Variants in ZNF558 observed in about 807,000 individuals in gnomAD.
ZNF558 encodes zinc finger protein 558.
ZNF558 carries 23 observed loss-of-function variants against 37.6 expected under a neutral mutation model. The ratio of observed to expected loss-of-function variants is 0.61; its 90% confidence interval spans 0.44 to 0.87. The LOEUF (loss-of-function observed/expected upper bound fraction) is 0.87. ZNF558 is among the 40% of genes least tolerant of loss of function. The probability of loss-of-function intolerance (pLI) is 0.00; values close to 1 mark genes in which losing one functional copy is unlikely to be tolerated. For missense variants in ZNF558, 429 were observed against 483.7 expected (o/e 0.89, Z 1.06); for synonymous variants, 189 against 174.4 (o/e 1.08, Z -0.66).
chr19:8,818,893 T>G (rs951770877), intron 7 of ZNF558, among the ~76,000 whole-genome samples: 1 of 152,194 alleles, frequency 6.6e-6, no homozygotes, highest in Non-Finnish European at 1.5e-5. Context: ...TATGGCCACA[T>G]AATTTTCAAT....
At chr19:8,827,402 C>T (rs1246257884) in intron 2 of ZNF558, among the ~76,000 whole-genome samples, 1 of 151,964 alleles carries the variant, frequency 6.6e-6, no homozygotes, top group Non-Finnish European at 1.5e-5. Flanking sequence ...CCTTCTGAAT[C>T]CTGAAGTCCT....
At chr19:8,834,799 T>A (rs1381944996), upstream of ZNF558, among the ~76,000 whole-genome samples, 1 of 152,116 alleles carries the variant, frequency 6.6e-6, no homozygotes, top group Non-Finnish European at 1.5e-5. Context: ...TGTCAAACTT[T>A]GTGATCTTGG....
At chr19:8,819,501 T>A (rs527695144) in intron 7 of ZNF558, among the ~76,000 whole-genome samples, 2 of 152,100 alleles carry the variant, frequency 1.3e-5, no homozygotes, top group Non-Finnish European at 2.9e-5. Context: ...CTTTTGTGCA[T>A]CAAAGGACAC....
At chr19:8,836,333 C>T (rs1219639652), upstream of ZNF558, among the ~76,000 whole-genome samples, 1 of 151,674 alleles carries the variant, frequency 6.6e-6, no homozygotes, top group Non-Finnish European at 1.5e-5. Flanking sequence ...AATGTGAGTT[C>T]TTCTCTTCTT....
chr19:8,830,524 G>A (rs2044326087), intron 2 of ZNF558, among the ~76,000 whole-genome samples: 1 of 152,110 alleles, frequency 6.6e-6, no homozygotes, highest in African/African-American at 2.4e-5. Context: ...TTTTAAATTT[G>A]TTACTAATAA....
At chr19:8,815,096 C>T (rs1241123094) in intron 7 of ZNF558, among the ~76,000 whole-genome samples, 1 of 152,002 alleles carries the variant, frequency 6.6e-6, no homozygotes, top group African/African-American at 2.4e-5. Context: ...GGCAAGGAAA[C>T]AAACGTTGGG....
At chr19:8,834,857 GA>G (rs2044437756), upstream of ZNF558, among the ~76,000 whole-genome samples, 1 of 151,948 alleles carries the variant, frequency 6.6e-6, no homozygotes, top group South Asian at 2.1e-4. Flanking sequence ...GGTGGCGAAA[GA>G]AAAAATATAT....
In ZNF558 at chr19:8,822,297, G is replaced by A. The variant is rs191530888; in HGVS notation, c.32-206C>T. The stretch of plus-strand genomic sequence containing the variant: ...ACCAACCAAAGACAATAGGGCTCAA[G>A]GTCTGACTGCACTTGGGGAAGGGAT... On this transcript the variant is annotated intron_variant, in intron 5 of 9. Coordinates refer to ENST00000601372, the MANE Select transcript of ZNF558 (RefSeq NM_144693.3). The surrounding 1 kb of genome is among the most constrained non-coding windows in gnomAD (Gnocchi z 4.4). Among the ~76,000 whole-genome samples, 420 of 152,246 alleles carry A rather than the reference G, an allele frequency of 2.8e-3. 2 individuals carry two copies. The highest frequency in any genetic ancestry group is 5.8e-3 in the Admixed American group (88 of 15,294).
At chr19:8,828,780 G>A (rs2044286886) in intron 2 of ZNF558, among the ~76,000 whole-genome samples, 1 of 151,996 alleles carries the variant, frequency 6.6e-6, no homozygotes, top group Admixed American at 6.6e-5. Context: ...TGGCTAACAT[G>A]GTGAAACTCT....
intron 2 of ZNF558, among the ~76,000 whole-genome samples, chr19:8,828,836 G>A (rs1671263098): frequency 6.6e-6 from 1 of 152,064 alleles, no homozygotes; most frequent in African/African-American, 2.4e-5. Context: ...GGTGGTATGT[G>A]CCTGTAATCC....
chr19:8,821,809 G>A (rs1376201718), intron 6 of ZNF558, 194 bp downstream of exon 6: 4 of 1,414,164 alleles, frequency 2.8e-6, no homozygotes, highest in South Asian at 3.0e-5. Flanking sequence ...ACCCTGGAGG[G>A]AGCTCTGAAC....
intron 6 of ZNF558, 105 bp downstream of exon 6, chr19:8,821,898 C>G: frequency 6.5e-7 from 1 of 1,543,476 alleles, no homozygotes; most frequent in South Asian, 1.2e-5. Flanking sequence ...TCCTGGGATG[C>G]CTGAGGACCT....
In ZNF558 at chr19:8,807,601, A is replaced by G. The variant is rs1281889008; in HGVS notation, c.*3680T>C. 2.0e-5 allele frequency: 3 copies of G among 152,148 alleles called. No homozygotes were observed. The highest frequency in any genetic ancestry group is 4.4e-5 in the Non-Finnish European group (3 of 68,032). 9.4% of individuals were successfully genotyped at this position (152,148 alleles called of 1,614,324 possible). A position where few individuals can be genotyped will look rare whatever the true frequency, so the allele number is the denominator to read the frequency against. ...TTGTTGTGGGCCTTTGCATGCCAAC[A>G]CTACTCTTGCAAGACAAATTCATAT... On this transcript the variant is annotated 3_prime_UTR_variant, in exon 10 of 10. Transcript: ENST00000601372.
chr19:8,832,571 T>TG (rs1447165292), upstream of ZNF558: 1 of 140,964 alleles, frequency 7.1e-6, no homozygotes, highest in East Asian at 2.0e-4. Flanking sequence ...GCACGAGGCC[T>TG]GGGGGCGGGG....
intron 7 of ZNF558, among the ~76,000 whole-genome samples, chr19:8,817,024 A>T (rs2043956283): frequency 6.6e-6 from 1 of 152,232 alleles, no homozygotes; most frequent in South Asian, 2.1e-4. Flanking sequence ...AACTAAAAAG[A>T]TTAAAAAGAA....
chr19:8,821,105 TA>T, intron 7 of ZNF558, 74 bp downstream of exon 7: 2 of 1,556,336 alleles, frequency 1.3e-6, no homozygotes, highest in South Asian at 1.2e-5. Context: ...TTTACCACAA[TA>T]AAAAAAGTAA....
At chr19:8,833,018 C>T (rs1278173285), upstream of ZNF558, 1 of 147,468 alleles carries the variant, frequency 6.8e-6, no homozygotes, top group African/African-American at 2.6e-5. Context: ...GAGACCAGTT[C>T]TGGGGGCGGG....
chr19:8,810,010 T>C lies in ZNF558; in HGVS notation c.*1271A>G, dbSNP rs1169911020. 6.6e-6 allele frequency: 1 copy of C among 152,208 alleles called. No homozygotes were observed. The highest frequency in any genetic ancestry group is 1.5e-5 in the Non-Finnish European group (1 of 68,036). 9.4% of individuals were successfully genotyped at this position (152,208 alleles called of 1,614,324 possible). ...TCACTGAAAAATTTTCCAATATTAATATACTCATAGGTTTTGCATCCAGGG... is the reference window on the plus strand; with the variant it reads ...TCACTGAAAAATTTTCCAATATTAACATACTCATAGGTTTTGCATCCAGGG... On this transcript the variant is annotated 3_prime_UTR_variant, in exon 10 of 10. Transcript: ENST00000601372.
intron 7 of ZNF558, among the ~76,000 whole-genome samples, chr19:8,818,863 T>G (rs562975570): frequency 2.0e-5 from 3 of 152,146 alleles, no homozygotes; most frequent in African/African-American, 7.2e-5. Flanking sequence ...ATTGAGAGTA[T>G]GTAAATAAAC....
Sources: allele counts gnomAD v4.1 joint callset (sites outside exome capture counted in the v4.1 genomes callset), GRCh38; gene constraint gnomAD v4.1.1; non-coding constraint Gnocchi (gnomAD v3.1); transcripts MANE v1.5; gene names NCBI Gene and HGNC (gene_info 2026-07-23, HGNC 2026-07-21).